The following PHTF2 variants were observed in gnomAD, a reference collection of about 807,000 sequenced individuals.
The protein encoded by PHTF2 is putative homeodomain transcription factor 2.
A neutral mutation model predicts 101.2 loss-of-function variants in PHTF2; 60 were observed. The ratio of observed to expected loss-of-function variants is 0.59; its 90% confidence interval spans 0.48 to 0.73. PHTF2 has a LOEUF of 0.73. PHTF2 is among the 30% of genes least tolerant of loss of function. The pLI, the probability that PHTF2 is intolerant of heterozygous loss-of-function variation, is 0.00. For synonymous variants in PHTF2, 311 were observed against 307.3 expected (o/e 1.01, Z -0.13); for missense variants, 747 against 908.7 (o/e 0.82, Z 2.29).
In PHTF2 at chr7:77,893,999, T is replaced by G; in HGVS notation, c.216+6T>G. 1 of 1,600,576 alleles carries G rather than the reference T, an allele frequency of 6.2e-7. No individual in the cohort carries two copies. Among genetic ancestry groups the G allele is most frequent in the Non-Finnish European group, 8.6e-7 (1 of 1,167,740 alleles). On this transcript the variant is annotated splice_donor_region_variant and intron_variant, in intron 5 of 19. Coordinates refer to ENST00000416283, the Ensembl canonical transcript of PHTF2. ...CTGTACAGTTTATTAAACTGGTAAG[T>G]GTTTCAGGATTTTTCCCGCCTGAGT...
At chr7:77,940,128 T>C (rs1805516192) in exon 14 of PHTF2, 1 of 1,613,918 alleles carries the variant, frequency 6.2e-7, no homozygotes, top group Non-Finnish European at 8.5e-7. Flanking sequence ...TTTCTCAAGC[T>C]ACAGACTTGG....
At chr7:77,906,934 TA>T (rs10694050) in intron 7 of PHTF2, among the ~76,000 whole-genome samples, 119 of 118,876 alleles carry the variant, frequency 1.0e-3, no homozygotes, top group Admixed American at 1.1e-3. Context: ...TAATGGTAGC[TA>T]AAAAAAAAAA....
At chr7:77,953,106 A>C (rs140410343) in intron 18 of PHTF2, among the ~76,000 whole-genome samples, 1 of 152,130 alleles carries the variant, frequency 6.6e-6, no homozygotes, top group African/African-American at 2.4e-5. Flanking sequence ...TCATGTTCTC[A>C]TGTGTCTTTT....
At chr7:77,894,043 G>T (rs1435941654) in intron 5 of PHTF2, 50 bp downstream of exon 4, 7 of 1,404,798 alleles carry the variant, frequency 5.0e-6, no homozygotes, top group Non-Finnish European at 7.1e-6. Context: ...GCAAATGCTG[G>T]TCTGCTTAAT....
intron 7 of PHTF2, among the ~76,000 whole-genome samples, chr7:77,902,423 C>T (rs1466019526): frequency 1.3e-5 from 2 of 152,152 alleles, no homozygotes; most frequent in African/African-American, 4.8e-5. Context: ...CTATGCTTCG[C>T]TTATAGACGT....
chr7:77,951,468 A>G, intron 17 of PHTF2, 149 bp from the exon 17 acceptor site: 3 of 364,338 alleles, frequency 8.2e-6, no homozygotes, highest in Non-Finnish European at 5.0e-6. Context: ...CTATTATAAA[A>G]TAAGTATAGG....
Position 77,937,824 on chromosome 7 carries a change from A to C in PHTF2, c.1453A>C (p.Met485Leu). ...CATGTCTGTACTTGAAATCAGTGGA[A>C]TGATAATGAACAGAGTGAGTTTTTA... Residue 485 changes from methionine to leucine, a missense_variant, in exon 13 of 20, where the codon ATG becomes CTG. Around this residue, in one of 6 missense-constraint regions of PHTF2, gnomAD observed 349 missense variants for 369.7 expected, o/e 0.94. Transcript: ENST00000416283. 6.5e-7 allele frequency: 1 copy of C among 1,534,832 alleles called. No homozygotes were observed. Among genetic ancestry groups the C allele is most frequent in the Non-Finnish European group, 8.8e-7 (1 of 1,131,548 alleles).
chr7:77,911,765 C>G (rs553120814), intron 9 of PHTF2, among the ~76,000 whole-genome samples: 1 of 152,302 alleles, frequency 6.6e-6, no homozygotes, highest in Admixed American at 6.5e-5. Flanking sequence ...CTATTCCAAT[C>G]ACCTATTCTT....
intron 3 of PHTF2, among the ~76,000 whole-genome samples, chr7:77,883,479 C>T (rs1330072903): frequency 1.3e-5 from 2 of 152,074 alleles, no homozygotes; most frequent in Admixed American, 6.6e-5. Context: ...TGTTATATCA[C>T]TTAGCCCTCT....
chr7:77,811,006 C>T (rs1379435558), intron 1 of PHTF2, among the ~76,000 whole-genome samples: 5 of 151,470 alleles, frequency 3.3e-5, no homozygotes, highest in East Asian at 1.9e-4. Flanking sequence ...TAGGTTCAGG[C>T]GATTCTCCTG....
intron 12 of PHTF2, among the ~76,000 whole-genome samples, chr7:77,932,621 AGT>A (rs56005414): frequency 0.026 from 3,106 of 118,424 alleles, 46 homozygotes; most frequent in Middle Eastern, 0.062. Flanking sequence ...AGAGAGAGAG[AGT>A]GTGTGTGTGT....
intron 1 of PHTF2, among the ~76,000 whole-genome samples, chr7:77,832,918 A>G (rs1795180148): frequency 6.6e-6 from 1 of 152,186 alleles, no homozygotes; most frequent in Non-Finnish European, 1.5e-5. Context: ...CTTCCACAAA[A>G]CCAGTCCCTG....
intron 3 of PHTF2, among the ~76,000 whole-genome samples, chr7:77,863,037 C>G (rs1797770283): frequency 6.6e-6 from 1 of 152,134 alleles, no homozygotes; most frequent in Non-Finnish European, 1.5e-5. Flanking sequence ...AGGATTGATT[C>G]ACAGAGAATA....
intron 3 of PHTF2, among the ~76,000 whole-genome samples, chr7:77,890,648 C>T (rs1800313127): frequency 6.9e-6 from 1 of 144,744 alleles, no homozygotes. Context: ...CTCTGTCGCC[C>T]AGGCTGGAGT....
chr7:77,874,022 T>C (rs1032486772), intron 3 of PHTF2, among the ~76,000 whole-genome samples: 1 of 152,222 alleles, frequency 6.6e-6, no homozygotes, highest in Non-Finnish European at 1.5e-5. Flanking sequence ...TTCATAATTT[T>C]CTTTCATCAC....
chr7:77,820,827 C>G (rs1794228582), intron 1 of PHTF2, among the ~76,000 whole-genome samples: 1 of 152,102 alleles, frequency 6.6e-6, no homozygotes, highest in African/African-American at 2.4e-5. Context: ...TTCTTGTTTT[C>G]TATTTCCTTT....
intron 3 of PHTF2, among the ~76,000 whole-genome samples, chr7:77,866,201 A>AAG (rs1798052491): frequency 6.6e-6 from 1 of 151,934 alleles, no homozygotes; most frequent in Non-Finnish European, 1.5e-5. Context: ...AAAAAAAAAA[A>AAG]AAATTATTAA....
intron 2 of PHTF2, among the ~76,000 whole-genome samples, chr7:77,853,907 C>T (rs1796965004): frequency 6.6e-6 from 1 of 152,098 alleles, no homozygotes; most frequent in Admixed American, 6.5e-5. Flanking sequence ...TCTTCATGGT[C>T]TCATACCTTT....
At chr7:77,863,703 G>A (rs1184147416) in intron 3 of PHTF2, among the ~76,000 whole-genome samples, 2 of 149,430 alleles carry the variant, frequency 1.3e-5, no homozygotes, top group Non-Finnish European at 3.0e-5. Context: ...ATCATGTCCT[G>A]ATAGGATTTA....
Sources: allele counts gnomAD v4.1 joint callset (sites outside exome capture counted in the v4.1 genomes callset), GRCh38; gene constraint gnomAD v4.1.1; regional missense constraint gnomAD v4.1.1; transcripts MANE v1.5; gene names NCBI Gene and HGNC (gene_info 2026-07-23, HGNC 2026-07-21).